RP2: variants seen among roughly 807,000 people sequenced by gnomAD.
RP2 encodes RP2 activator of ARL3 GTPase, also known as protein XRP2.
Under a neutral mutation model 20.3 loss-of-function variants are expected in RP2, and 3 were observed. That is an observed-to-expected ratio of 0.15 (90% CI 0.07 to 0.38). The LOEUF is 0.38. Among genes scored for constraint, RP2 ranks in the 10% least tolerant of loss-of-function variants. The probability of loss-of-function intolerance (pLI) is 1.00; values close to 1 mark genes in which losing one functional copy is unlikely to be tolerated. For synonymous variants in RP2, 75 were observed against 94.8 expected, an observed-to-expected ratio of 0.79 and a Z score of 1.22; for missense variants, 233 against 268.5, an observed-to-expected ratio of 0.87 and a Z score of 0.92.
chrX:46,855,213 C>T (rs1409692471), intron 2 of RP2, among the ~76,000 whole-genome samples: 1 of 110,185 alleles, frequency 9.1e-6, no homozygotes, highest in Non-Finnish European at 1.9e-5. Context: ...AGCTCATAGG[C>T]TCATGAACAG....
intron 3 of RP2, among the ~76,000 whole-genome samples, chrX:46,869,978 T>C (rs1402449540): frequency 8.9e-6 from 1 of 112,282 alleles, no homozygotes; most frequent in Non-Finnish European, 1.9e-5. Flanking sequence ...TTCGTTAACA[T>C]TGAACTCACA....
chrX:46,847,554 C>T (rs1036548855), intron 1 of RP2, among the ~76,000 whole-genome samples: 1 of 105,248 alleles, frequency 9.5e-6, no homozygotes, highest in African/African-American at 3.5e-5. Context: ...TACACATACA[C>T]CATATATATG....
At chrX:46,870,655 T>C (rs1925273959) in intron 3 of RP2, among the ~76,000 whole-genome samples, 1 of 111,974 alleles carries the variant, frequency 8.9e-6, no homozygotes, top group Non-Finnish European at 1.9e-5. Flanking sequence ...TATACTACAA[T>C]AGCTGAAACA....
At chrX:46,879,086 A>AAC (rs1925425986) in intron 4 of RP2, among the ~76,000 whole-genome samples, 2 of 101,102 alleles carry the variant, frequency 2.0e-5, no homozygotes, top group Non-Finnish European at 4.0e-5. Flanking sequence ...AAAAAAAAAA[A>AAC]AAAACTAGCT....
At chrX:46,847,852 G>A (rs1305923472) in intron 1 of RP2, among the ~76,000 whole-genome samples, 3 of 96,945 alleles carry the variant, frequency 3.1e-5, no homozygotes, top group African/African-American at 1.1e-4. Flanking sequence ...GTATATATGT[G>A]TATATATGTG....
intron 2 of RP2, among the ~76,000 whole-genome samples, chrX:46,856,414 GATA>G (rs1924960049): frequency 9.0e-6 from 1 of 111,413 alleles, no homozygotes; most frequent in African/African-American, 3.3e-5. Context: ...ATCCCACAGC[GATA>G]ATAATAACTA....
chrX:46,837,207 T>G lies in RP2; in HGVS notation c.102+5T>G. ...AGCTGGGATCAGCGCGAGAAGGTAA[T>G]GAAAGTCGTGTAGCCGCCGTCTCAG... is the stretch of plus-strand genomic sequence containing the variant. On this transcript the variant is annotated splice_donor_5th_base_variant and intron_variant, in intron 1 of 4. Coordinates refer to ENST00000218340, the MANE Select transcript of RP2 (RefSeq NM_006915.3). 1 of 1,164,548 alleles carries G rather than the reference T, an allele frequency of 8.6e-7. No homozygotes were observed. The highest frequency in any genetic ancestry group is 1.1e-6 in the Non-Finnish European group (1 of 870,484).
chrX:46,873,454 A>G (rs1925323962), intron 3 of RP2, among the ~76,000 whole-genome samples: 1 of 112,397 alleles, frequency 8.9e-6, no homozygotes, highest in Non-Finnish European at 1.9e-5. Flanking sequence ...TGGCATCATC[A>G]TTAGATAGAG....
At chrX:46,856,236 T>C (rs782208419) in intron 2 of RP2, among the ~76,000 whole-genome samples, 2 of 112,026 alleles carry the variant, frequency 1.8e-5, no homozygotes, top group African/African-American at 3.2e-5. Flanking sequence ...TTTAGCATGT[T>C]TAAAGAAAAA....
rs782337252 is a variant in RP2, at chrX:46,875,708, A to G, written c.884-1797A>G. Among the ~76,000 whole-genome samples the G allele has an allele frequency of 1.8e-4, 20 of 110,887 alleles. No homozygotes were observed. In the South Asian group the frequency reaches 4.9e-3, roughly 27 times the overall value. ...CTGGCTTCTGTCTCCTTTTGATAGA[A>G]CCCCACTGGCCTTTGATAGCTTCAT... is the stretch of plus-strand genomic sequence containing the variant. On this transcript the variant is annotated intron_variant, in intron 3 of 4. Transcript: ENST00000218340.
intron 1 of RP2, 82 bp from the exon 2 acceptor site, chrX:46,853,394 G>C: frequency 1.1e-6 from 1 of 892,140 alleles, no homozygotes. Flanking sequence ...ACTAAGAACT[G>C]TGCCTGGCAG....
chrX:46,862,077 A>G (rs1208110752), intron 3 of RP2, among the ~76,000 whole-genome samples: 3 of 112,109 alleles, frequency 2.7e-5, no homozygotes, highest in Non-Finnish European at 5.6e-5. Flanking sequence ...AAAGTTGCTA[A>G]GAAGTAGGAT....
chrX:46,879,885 G>T lies in RP2; in HGVS notation c.*116G>T. On this transcript the variant is annotated 3_prime_UTR_variant, in exon 5 of 5. Coordinates refer to ENST00000218340, the MANE Select transcript of RP2 (RefSeq NM_006915.3). ...TTTTACTAATGCTAAAACTTTTAAA[G>T]TTTATTTTTTAATAAATTGTTGAGT... is the stretch of plus-strand genomic sequence containing the variant. 2.3e-6 allele frequency: 1 copy of T among 426,686 alleles called. No homozygotes were observed. Among genetic ancestry groups the T allele is most frequent in the Non-Finnish European group, 4.1e-6 (1 of 246,192 alleles). The allele number at this position is 426,686 out of a possible 1,213,427, so 35.2% of individuals were successfully genotyped here. A position where few individuals can be genotyped will look rare whatever the true frequency, so the allele number is the denominator to read the frequency against.
intron 3 of RP2, among the ~76,000 whole-genome samples, chrX:46,865,068 C>G (rs1228944200): frequency 3.6e-5 from 4 of 112,376 alleles, no homozygotes; most frequent in African/African-American, 6.5e-5. Context: ...CTGTATATCC[C>G]TTACCCAGCT....
At chrX:46,876,414 A>G (rs782529656) in intron 3 of RP2, among the ~76,000 whole-genome samples, 1 of 111,711 alleles carries the variant, frequency 9.0e-6, no homozygotes, top group South Asian at 3.8e-4. Context: ...CACTGTGCCC[A>G]GCCGTGAGAT....
At chrX:46,869,074 T>TG (rs1190855729) in intron 3 of RP2, among the ~76,000 whole-genome samples, 13 of 109,405 alleles carry the variant, frequency 1.2e-4, no homozygotes, top group East Asian at 2.9e-4. Flanking sequence ...ACTCCAGCCT[T>TG]GGGGGGAGTG....
In RP2 at chrX:46,866,017, A is replaced by G. The variant is rs183497338; in HGVS notation, c.883+5915A>G. Among the ~76,000 whole-genome samples, 315 of 111,429 alleles carry G rather than the reference A, an allele frequency of 2.8e-3. 2 individuals are homozygous for G. Among genetic ancestry groups the G allele is most frequent in the African/African-American group, 9.7e-3 (299 of 30,727 alleles). ...TTTTGTTCTTTTAAGTTATAATCCA[A>G]TACTATCAAATTGTTCTGGTTTTAA... On this transcript the variant is annotated intron_variant, in intron 3 of 4. Coordinates refer to ENST00000218340, the MANE Select transcript of RP2 (RefSeq NM_006915.3).
chrX:46,845,848 C>T (rs1458616428), intron 1 of RP2, among the ~76,000 whole-genome samples: 3 of 110,749 alleles, frequency 2.7e-5, no homozygotes, highest in African/African-American at 9.9e-5. Flanking sequence ...ACTGCAGCCT[C>T]AGCCTCCGGG....
chrX:46,868,291 G>A (rs1330597513), intron 3 of RP2, among the ~76,000 whole-genome samples: 2 of 110,563 alleles, frequency 1.8e-5, no homozygotes, highest in Non-Finnish European at 3.8e-5. Flanking sequence ...TTGGGAGGCC[G>A]AGGCAGGAGG....
Sources: gnomAD v4.1 joint callset for allele counts (sites outside exome capture counted in the v4.1 genomes callset) on GRCh38, gnomAD v4.1.1 for gene constraint, MANE v1.5 for transcripts, NCBI Gene and HGNC (gene_info 2026-07-23, HGNC 2026-07-21) for gene names.